Variants in USP28 observed in about 807,000 individuals in gnomAD.
USP28 encodes ubiquitin specific peptidase 28.
In USP28, 113 loss-of-function variants were observed where a neutral mutation model predicts 145.0. The observed-to-expected ratio is 0.78, with a 90% CI of 0.67 to 0.91. USP28 has a LOEUF of 0.91. Among genes scored for constraint, USP28 ranks in the 40% least tolerant of loss-of-function variants. The pLI, the probability that USP28 is intolerant of heterozygous loss-of-function variation, is 0.00. For missense variants in USP28, 1,201 were observed against 1,289.6 expected (o/e 0.93, Z 1.05); for synonymous variants, 447 against 450.9 (o/e 0.99, Z 0.11).
At chr11:113,870,987 A>G (rs1213806190) in intron 1 of USP28, among the ~76,000 whole-genome samples, 3 of 152,246 alleles carry the variant, frequency 2.0e-5, no homozygotes, top group Non-Finnish European at 2.9e-5. Context: ...GGTAAAATGG[A>G]AAATGCAAAT....
At chr11:113,840,799 T>G in intron 4 of USP28, 42 bp from the exon 5 acceptor site, 1 of 1,587,142 alleles carries the variant, frequency 6.3e-7, no homozygotes, top group Middle Eastern at 1.7e-4. Flanking sequence ...AGAAAATAGT[T>G]AAAGAATAAT....
At chr11:113,863,499 G>A (rs946917859) in intron 1 of USP28, among the ~76,000 whole-genome samples, 1 of 151,930 alleles carries the variant, frequency 6.6e-6, no homozygotes, top group Non-Finnish European at 1.5e-5. Context: ...ACAAAAATTA[G>A]TCGGGTGTGG....
At chr11:113,830,829 C>T in intron 9 of USP28, 38 bp downstream of exon 9, 1 of 1,595,896 alleles carries the variant, frequency 6.3e-7, no homozygotes, top group Non-Finnish European at 8.6e-7. Context: ...AAGATATGAT[C>T]AAAGGTCTAG....
At chr11:113,836,843 C>G (rs1228050175) in intron 5 of USP28, among the ~76,000 whole-genome samples, 1 of 152,126 alleles carries the variant, frequency 6.6e-6, no homozygotes, top group Non-Finnish European at 1.5e-5. Flanking sequence ...CACTCAGACC[C>G]TCCTCTCCAG....
At chr11:113,859,594 G>A (rs961630035) in intron 1 of USP28, 3 of 151,274 alleles carry the variant, frequency 2.0e-5, no homozygotes, top group Non-Finnish European at 4.4e-5. Flanking sequence ...CCAAATCCTC[G>A]TACTATATAT....
At chr11:113,835,907 C>G (rs1944513820) in intron 5 of USP28, among the ~76,000 whole-genome samples, 2 of 152,014 alleles carry the variant, frequency 1.3e-5, no homozygotes, top group Non-Finnish European at 2.9e-5. Context: ...ATGGAGAAAC[C>G]CCATCTCTAC....
intron 12 of USP28, chr11:113,821,538 T>A: frequency 5.0e-6 from 1 of 199,966 alleles, no homozygotes; most frequent in South Asian, 1.0e-4. Flanking sequence ...CCAGCAAATC[T>A]ACTTAGCTGC....
In USP28 at chr11:113,841,819, T is replaced by C. The variant is rs749181621; in HGVS notation, c.269-51A>G. On this transcript the variant is annotated intron_variant, in intron 3 of 24. Coordinates refer to ENST00000003302, the Ensembl canonical transcript of USP28. ...AGTCTATATATAGGAAACACTGCCCTTCTGTAATATAAGAAAAAGGTAAAG... is the reference window on the plus strand; with the variant it reads ...AGTCTATATATAGGAAACACTGCCCCTCTGTAATATAAGAAAAAGGTAAAG... 2.6e-5 allele frequency: 32 copies of C among 1,249,042 alleles called. 1 individual carries two copies. The East Asian group carries it at 7.2e-4, about 28-fold the overall frequency. The allele number at this position is 1,249,042 out of a possible 1,614,324, so 77.4% of individuals were successfully genotyped here. A position where few individuals can be genotyped will look rare whatever the true frequency, so the allele number is the denominator to read the frequency against.
chr11:113,844,794 T>C (rs1026243263), intron 3 of USP28, among the ~76,000 whole-genome samples: 3 of 152,074 alleles, frequency 2.0e-5, no homozygotes, highest in Non-Finnish European at 2.9e-5. Context: ...CTTTGTGCAC[T>C]GTTGGTGGGA....
intron 2 of USP28, among the ~76,000 whole-genome samples, chr11:113,853,643 G>A (rs534712230): frequency 3.9e-5 from 6 of 152,166 alleles, no homozygotes; most frequent in East Asian, 3.9e-4. Flanking sequence ...GGGAGGCCAG[G>A]TCGGGTGGAT....
intron 12 of USP28, chr11:113,820,317 G>A (rs919328099): frequency 6.6e-6 from 1 of 152,218 alleles, no homozygotes; most frequent in Admixed American, 6.5e-5. Flanking sequence ...TGGCAGTCAA[G>A]TAGGAAGAAT....
chr11:113,805,810 A>G (rs1939846711), intron 19 of USP28, among the ~76,000 whole-genome samples: 1 of 152,230 alleles, frequency 6.6e-6, no homozygotes, highest in East Asian at 1.9e-4. Flanking sequence ...CCTCTAGGCT[A>G]GGTGTCACAG....
intron 8 of USP28, 84 bp downstream of exon 8, chr11:113,831,836 T>G (rs986860224): frequency 7.4e-7 from 1 of 1,355,170 alleles, no homozygotes; most frequent in Non-Finnish European, 1.0e-6. Context: ...CAATTTCTAG[T>G]TAAGGAGAGT....
exon 17 of USP28, chr11:113,809,092 G>A (rs1940534005): frequency 1.2e-6 from 2 of 1,614,052 alleles, no homozygotes; most frequent in Admixed American, 1.7e-5. Flanking sequence ...CTGTGATGAG[G>A]AGTTGGTGGA....
intron 4 of USP28, 92 bp from the exon 5 acceptor site, chr11:113,840,849 C>T: frequency 7.0e-7 from 1 of 1,423,484 alleles, no homozygotes; most frequent in Non-Finnish European, 9.4e-7. Flanking sequence ...GTGGATAATT[C>T]AAAACACCAG....
intron 11 of USP28, among the ~76,000 whole-genome samples, chr11:113,826,085 C>A (rs920731123): frequency 6.6e-6 from 1 of 151,918 alleles, no homozygotes; most frequent in Non-Finnish European, 1.5e-5. Context: ...GGGATTGAGA[C>A]CATCCTGGCC....
chr11:113,798,556 T>G (rs1938360631), exon 25 of USP28: 1 of 152,626 alleles, frequency 6.6e-6, no homozygotes, highest in Non-Finnish European at 1.5e-5. Flanking sequence ...TGATCTTCAG[T>G]CAAGTTACAC....
intron 1 of USP28, among the ~76,000 whole-genome samples, chr11:113,855,772 G>A (rs557749186): frequency 3.9e-5 from 6 of 152,156 alleles, no homozygotes; most frequent in Non-Finnish European, 7.3e-5. Flanking sequence ...TCAGTTGGGC[G>A]TGGTGGCACG....
intron 3 of USP28, among the ~76,000 whole-genome samples, chr11:113,844,317 T>C (rs1448386496): frequency 6.6e-6 from 1 of 151,960 alleles, no homozygotes; most frequent in Non-Finnish European, 1.5e-5. Flanking sequence ...GGCAGGTGCC[T>C]GTAATCTCCG....
Sources: allele counts gnomAD v4.1 joint callset (sites outside exome capture counted in the v4.1 genomes callset), GRCh38; gene constraint gnomAD v4.1.1; transcripts MANE v1.5; gene names NCBI Gene and HGNC (gene_info 2026-07-23, HGNC 2026-07-21).